PHF21B: variants seen among roughly 807,000 people sequenced by gnomAD.
PHF21B encodes the protein PHD finger protein 4.
PHF21B carries 22 observed loss-of-function variants against 62.2 expected under a neutral mutation model. The ratio of observed to expected loss-of-function variants is 0.35; its 90% CI spans 0.25 to 0.51. PHF21B has a LOEUF of 0.51. PHF21B is among the 20% of genes least tolerant of loss of function. The pLI, the probability that PHF21B is intolerant of heterozygous loss-of-function variation, is 0.97. For synonymous variants in PHF21B, 341 were observed against 314.7 expected, an observed-to-expected ratio of 1.08 and a Z score of -0.88; for missense variants, 701 against 707.9, an observed-to-expected ratio of 0.99 and a Z score of 0.11.
chr22:44,970,594 G>A (rs933822702), intron 2 of PHF21B, among the ~76,000 whole-genome samples: 1 of 152,148 alleles, frequency 6.6e-6, no homozygotes, highest in African/African-American at 2.4e-5. Flanking sequence ...CAATTCCTAG[G>A]CCAATTCTCG....
intron 2 of PHF21B, among the ~76,000 whole-genome samples, chr22:44,976,147 G>C (rs972849490): frequency 6.6e-6 from 1 of 152,188 alleles, no homozygotes; most frequent in African/African-American, 2.4e-5. Context: ...CTCTAGCCTG[G>C]GCGACAGAGC....
chr22:44,961,612 G>C (rs955696398), intron 2 of PHF21B, among the ~76,000 whole-genome samples: 6 of 151,970 alleles, frequency 3.9e-5, no homozygotes, highest in African/African-American at 1.2e-4. Context: ...AGGCCTACGT[G>C]GGCAGAGCAC....
chr22:44,898,590 A>T (rs1050793758), intron 5 of PHF21B, among the ~76,000 whole-genome samples: 2 of 152,156 alleles, frequency 1.3e-5, no homozygotes, highest in South Asian at 4.1e-4. Context: ...AGATTTTTTT[A>T]AAAAGAGTAT....
chr22:44,959,574 C>T (rs2072375802), intron 2 of PHF21B, among the ~76,000 whole-genome samples: 1 of 152,224 alleles, frequency 6.6e-6, no homozygotes, highest in African/African-American at 2.4e-5. Context: ...TCTGCTCCTA[C>T]CACGGAGAGG....
At chr22:44,966,000 G>A (rs1199922859) in intron 2 of PHF21B, among the ~76,000 whole-genome samples, 1 of 152,156 alleles carries the variant, frequency 6.6e-6, no homozygotes, top group Non-Finnish European at 1.5e-5. Flanking sequence ...TCATCCACTG[G>A]GCACCCAAGG....
At chr22:44,892,221 C>T (rs1166954308) in intron 7 of PHF21B, among the ~76,000 whole-genome samples, 1 of 152,176 alleles carries the variant, frequency 6.6e-6, no homozygotes, top group Non-Finnish European at 1.5e-5. Flanking sequence ...GATGTTCTTA[C>T]GAAGGGTCCG....
At chr22:44,914,110 C>A in intron 4 of PHF21B, 22 bp from the exon 5 acceptor site, 3 of 666,046 alleles carry the variant, frequency 4.5e-6, no homozygotes, top group South Asian at 2.3e-5. Context: ...GGGTGAGGGG[C>A]ACAGGGAGGA....
intron 5 of PHF21B, among the ~76,000 whole-genome samples, chr22:44,909,453 C>G (rs2071308282): frequency 1.3e-5 from 2 of 152,216 alleles, no homozygotes; most frequent in Admixed American, 6.5e-5. Context: ...GACGATTAGG[C>G]CCAGGGCCAC....
At chr22:44,893,659 C>T (rs1049153158) in intron 6 of PHF21B, 126 bp from the exon 7 acceptor site, 2 of 933,486 alleles carry the variant, frequency 2.1e-6, no homozygotes, top group Non-Finnish European at 3.3e-6. Flanking sequence ...GCTCAGCATC[C>T]ATGCCACAGA....
chr22:44,983,882 G>A (rs1355475720), intron 2 of PHF21B, among the ~76,000 whole-genome samples: 2 of 151,904 alleles, frequency 1.3e-5, no homozygotes, highest in South Asian at 2.1e-4. Context: ...CATTTTGCAG[G>A]TGGGAAAAGG....
At chr22:44,907,173 G>A (rs1020409050) in intron 5 of PHF21B, among the ~76,000 whole-genome samples, 1 of 152,192 alleles carries the variant, frequency 6.6e-6, no homozygotes, top group Non-Finnish European at 1.5e-5. Flanking sequence ...CAGTGGCCCC[G>A]CCCACCCCCA....
At chr22:44,904,945 G>A (rs1029015267) in intron 5 of PHF21B, among the ~76,000 whole-genome samples, 2 of 152,142 alleles carry the variant, frequency 1.3e-5, no homozygotes, top group African/African-American at 2.4e-5. Context: ...GGAGGCCCCC[G>A]GCACATCTGT....
intron 2 of PHF21B, among the ~76,000 whole-genome samples, chr22:44,972,488 G>C (rs1416714602): frequency 6.6e-6 from 1 of 152,064 alleles, no homozygotes; most frequent in South Asian, 2.1e-4. Context: ...AGACGCGGCT[G>C]CTCAGTGCAA....
intron 2 of PHF21B, among the ~76,000 whole-genome samples, chr22:44,987,620 T>C (rs1029787440): frequency 6.8e-6 from 1 of 146,606 alleles, no homozygotes; most frequent in Non-Finnish European, 1.5e-5. Context: ...CATGGTCCTC[T>C]GACCACCCAG....
intron 3 of PHF21B, among the ~76,000 whole-genome samples, chr22:44,919,891 G>A (rs1194569554): frequency 1.3e-5 from 2 of 152,356 alleles, no homozygotes; most frequent in East Asian, 3.9e-4. Context: ...AAGGCTGAGA[G>A]GTCAGGTGAC....
At chr22:44,936,870 C>T (rs1254823170) in intron 2 of PHF21B, among the ~76,000 whole-genome samples, 20 of 128,598 alleles carry the variant, frequency 1.6e-4, no homozygotes, top group East Asian at 6.9e-4. Flanking sequence ...CACTTTCTTT[C>T]TTTTTTTTTT....
At chr22:44,965,396 A>C (rs2072505865) in intron 2 of PHF21B, among the ~76,000 whole-genome samples, 1 of 151,572 alleles carries the variant, frequency 6.6e-6, no homozygotes, top group Non-Finnish European at 1.5e-5. Flanking sequence ...CACCCAGTGG[A>C]GCTCACCATC....
intron 2 of PHF21B, among the ~76,000 whole-genome samples, chr22:44,958,050 G>A (rs1457263569): frequency 6.6e-6 from 1 of 152,060 alleles, no homozygotes; most frequent in Non-Finnish European, 1.5e-5. Context: ...TTACAGGCAT[G>A]TGCTATCATG....
chr22:44,989,358 TG>T (rs1488559055), intron 2 of PHF21B: 1 of 152,158 alleles, frequency 6.6e-6, no homozygotes, highest in Non-Finnish European at 1.5e-5. Context: ...TATTTGTGGG[TG>T]CCCTGGAAAA....
Sources: gnomAD v4.1 joint callset for allele counts (sites outside exome capture counted in the v4.1 genomes callset) on GRCh38, gnomAD v4.1.1 for gene constraint, MANE v1.5 for transcripts, NCBI Gene and HGNC (gene_info 2026-07-23, HGNC 2026-07-21) for gene names.